Variants in FAF1 observed in about 807,000 individuals in gnomAD.
FAF1 encodes the protein Fas associated factor 1, also known as FAS-associated factor 1.
A neutral mutation model predicts 92.5 loss-of-function variants in FAF1; 25 were observed. The ratio of observed to expected loss-of-function variants is 0.27; its 90% CI spans 0.20 to 0.38. FAF1 has a LOEUF of 0.38. Among genes scored for constraint, FAF1 ranks in the 10% least tolerant of loss-of-function variants. The pLI is 1.00. For synonymous variants in FAF1, 234 were observed against 273.2 expected, an observed-to-expected ratio of 0.86 and a Z score of 1.42; for missense variants, 636 against 793.3, an observed-to-expected ratio of 0.80 and a Z score of 2.38.
intron 12 of FAF1, among the ~76,000 whole-genome samples, chr1:50,571,905 G>A (rs1453515562): frequency 1.3e-5 from 2 of 152,222 alleles, no homozygotes; most frequent in African/African-American, 2.4e-5. Context: ...TGTATTTTGA[G>A]TACCAGAATA....
intron 7 of FAF1, among the ~76,000 whole-genome samples, chr1:50,680,248 T>C (rs554142584): frequency 6.6e-6 from 1 of 152,304 alleles, no homozygotes; most frequent in East Asian, 1.9e-4. Flanking sequence ...TACAACTTGT[T>C]TTTTGGTTTG....
chr1:50,821,372 C>T (rs1644041827), intron 2 of FAF1, among the ~76,000 whole-genome samples: 2 of 152,100 alleles, frequency 1.3e-5, no homozygotes, highest in Non-Finnish European at 2.9e-5. Context: ...TTCTGAGGCA[C>T]AGCCACATTT....
intron 8 of FAF1, among the ~76,000 whole-genome samples, chr1:50,630,056 C>CAAA (rs56806783): frequency 7.2e-6 from 1 of 137,984 alleles, no homozygotes; most frequent in Non-Finnish European, 1.6e-5. Flanking sequence ...GCCTCTGTCT[C>CAAA]AAAAAAAAAA....
At chr1:50,857,194 T>C (rs1477011988) in intron 2 of FAF1, among the ~76,000 whole-genome samples, 2 of 151,918 alleles carry the variant, frequency 1.3e-5, no homozygotes, top group African/African-American at 2.4e-5. Flanking sequence ...GAGTTAATTA[T>C]GTAAGTCCAC....
chr1:50,619,758 C>A (rs528537241), intron 8 of FAF1, among the ~76,000 whole-genome samples: 3 of 152,082 alleles, frequency 2.0e-5, no homozygotes, highest in Non-Finnish European at 4.4e-5. Context: ...AACCAGGGTT[C>A]TCTGTATTTC....
chr1:50,899,009 T>A (rs1179037087), intron 1 of FAF1, among the ~76,000 whole-genome samples: 1 of 152,180 alleles, frequency 6.6e-6, no homozygotes, highest in African/African-American at 2.4e-5. Flanking sequence ...CTTGAAGTTG[T>A]CCCACAAATC....
chr1:50,501,250 A>G (rs1421371554), intron 15 of FAF1, among the ~76,000 whole-genome samples: 1 of 152,262 alleles, frequency 6.6e-6, no homozygotes, highest in Non-Finnish European at 1.5e-5. Context: ...CTTCATCAAA[A>G]GACACATAGA....
chr1:50,629,388 C>T (rs1057066433), intron 8 of FAF1, among the ~76,000 whole-genome samples: 1 of 152,006 alleles, frequency 6.6e-6, no homozygotes, highest in Non-Finnish European at 1.5e-5. Context: ...AGGCTGGTCT[C>T]GAACTCCTGA....
intron 4 of FAF1, among the ~76,000 whole-genome samples, chr1:50,779,991 G>GACAGACAGACACACACAC (rs369288416): frequency 7.6e-5 from 11 of 145,532 alleles, no homozygotes; most frequent in East Asian, 4.1e-4. Flanking sequence ...CAGACAGACA[G>GACAGACAGACACACACAC]ACACACACAC....
intron 1 of FAF1, among the ~76,000 whole-genome samples, chr1:50,858,747 G>A (rs941113357): frequency 6.6e-6 from 1 of 151,670 alleles, no homozygotes; most frequent in Non-Finnish European, 1.5e-5. Context: ...TATTTCTGGT[G>A]TTGTTCTTGA....
chr1:50,959,884 T>TCGCCGCCAC lies in FAF1; in HGVS notation c.-82_-74dup, dbSNP rs1039727459. ...AGGCAGACGGCACCTCCTGCGACCGTCGCCGCCACCGCCGCCGCCGCCGCC... is the reference window on the plus strand; with the variant it reads ...AGGCAGACGGCACCTCCTGCGACCGTCGCCGCCACCGCCGCCACCGCCGCCGCCGCCGCC... On this transcript the variant is annotated 5_prime_UTR_variant, in exon 1 of 19. Coordinates refer to ENST00000396153, the MANE Select transcript of FAF1 (RefSeq NM_007051.3). 11 of 1,103,468 alleles carry TCGCCGCCAC rather than the reference T, an allele frequency of 1.0e-5. No individual in the cohort carries two copies. The highest frequency in any genetic ancestry group is 2.7e-5 in the South Asian group (1 of 36,976). 68.4% of individuals were successfully genotyped at this position (1,103,468 alleles called of 1,614,324 possible). A position where few individuals can be genotyped will look rare whatever the true frequency, so the allele number is the denominator to read the frequency against.
intron 9 of FAF1, 33 bp from the exon 10 acceptor site, chr1:50,584,844 T>C: frequency 6.2e-7 from 1 of 1,604,828 alleles, no homozygotes; most frequent in Non-Finnish European, 8.5e-7. Context: ...AGTTTCATAT[T>C]GATTTTGGCC....
chr1:50,640,334 C>G lies in FAF1; in HGVS notation c.744+15108G>C, dbSNP rs561589800. On this transcript the variant is annotated intron_variant, in intron 8 of 18. Coordinates refer to ENST00000396153, the MANE Select transcript of FAF1 (RefSeq NM_007051.3). Reference sequence around the variant, plus strand: ...TTGAGACAGAGTCTCGCTCTGTCGCCCAGGCTGGAGTGCAGTGGTGCGATC... The same window carrying G: ...TTGAGACAGAGTCTCGCTCTGTCGCGCAGGCTGGAGTGCAGTGGTGCGATC... Among the ~76,000 whole-genome samples, 28 of 151,408 alleles carry G rather than the reference C, an allele frequency of 1.8e-4. No homozygotes were observed. The South Asian group carries it at 4.6e-3, about 25-fold the overall frequency.
intron 1 of FAF1, among the ~76,000 whole-genome samples, chr1:50,957,496 C>G (rs1398617133): frequency 1.3e-5 from 2 of 151,816 alleles, no homozygotes; most frequent in South Asian, 2.1e-4. Context: ...GGACTACAGG[C>G]GCCCGCCACC....
intron 4 of FAF1, among the ~76,000 whole-genome samples, chr1:50,765,238 C>T (rs1660517399): frequency 6.6e-6 from 1 of 152,204 alleles, no homozygotes; most frequent in Non-Finnish European, 1.5e-5. Context: ...GTTGGCTACA[C>T]TCCAATAAAC....
chr1:50,771,965 C>CA (rs112038356), intron 4 of FAF1, among the ~76,000 whole-genome samples: 3,065 of 151,180 alleles, frequency 0.02, 98 homozygotes, highest in African/African-American at 0.071. Context: ...CTTCTAAATG[C>CA]AAAAAAAATT....
intron 18 of FAF1, among the ~76,000 whole-genome samples, chr1:50,447,473 T>G (rs1646243257): frequency 1.3e-5 from 2 of 152,226 alleles, no homozygotes; most frequent in Admixed American, 1.3e-4. Context: ...TTCCAGCATC[T>G]TAAAGGCAGA....
intron 8 of FAF1, among the ~76,000 whole-genome samples, chr1:50,636,200 A>G (rs1393411632): frequency 6.6e-6 from 1 of 152,094 alleles, no homozygotes; most frequent in Admixed American, 6.6e-5. Flanking sequence ...ACCCATTTTA[A>G]AGCATATTTA....
chr1:50,917,587 G>A (rs1376038959), intron 1 of FAF1, among the ~76,000 whole-genome samples: 1 of 131,032 alleles, frequency 7.6e-6, no homozygotes, highest in Non-Finnish European at 1.6e-5. Context: ...AAAAAGGAAA[G>A]GAAAAGAAAG....
Sources: gnomAD v4.1 joint callset for allele counts (sites outside exome capture counted in the v4.1 genomes callset) on GRCh38, gnomAD v4.1.1 for gene constraint, MANE v1.5 for transcripts, NCBI Gene and HGNC (gene_info 2026-07-23, HGNC 2026-07-21) for gene names.